The following EFCAB13 variants were observed in gnomAD, a reference collection of about 807,000 sequenced individuals.
The protein encoded by EFCAB13 is EF-hand calcium-binding domain-containing protein 13.
EFCAB13 carries 91 observed loss-of-function variants against 110.2 expected under a neutral mutation model. The ratio of observed to expected loss-of-function variants is 0.83; its 90% confidence interval spans 0.70 to 0.98. EFCAB13 has a LOEUF of 0.98. Ranked by LOEUF, EFCAB13 falls within the 50% of genes least tolerant of loss-of-function variation. The pLI is 0.00. For missense variants in EFCAB13, 968 were observed against 1,119.4 expected (o/e 0.86, Z 1.93); for synonymous variants, 323 against 369.9 (o/e 0.87, Z 1.45).
chr17:47,328,501 G>A (rs2065300857), intron 4 of EFCAB13, 118 bp downstream of exon 4: 10 of 784,424 alleles, frequency 1.3e-5, no homozygotes, highest in Admixed American at 5.8e-5. Context: ...TAAGGAACCT[G>A]GCCAAGTAAC....
At chr17:47,361,000 G>A (rs900232170) in intron 9 of EFCAB13, among the ~76,000 whole-genome samples, 3 of 152,076 alleles carry the variant, frequency 2.0e-5, no homozygotes, top group Non-Finnish European at 4.4e-5. Flanking sequence ...GTGATTTAGT[G>A]TTTAATTTAT....
At chr17:47,405,398 A>G (rs960386018) in intron 20 of EFCAB13, among the ~76,000 whole-genome samples, 3 of 152,100 alleles carry the variant, frequency 2.0e-5, no homozygotes, top group African/African-American at 7.2e-5. Context: ...TACCCTCCTA[A>G]AGATTTGTGG....
At chr17:47,325,923 A>ATATATATAT (rs2065280385) in intron 2 of EFCAB13, among the ~76,000 whole-genome samples, 8 of 102,552 alleles carry the variant, frequency 7.8e-5, no homozygotes, top group Admixed American at 2.1e-4. Context: ...ATATAAACAA[A>ATATATATAT]ATATATATAT....
At chr17:47,418,269 A>G (rs942102475) in intron 23 of EFCAB13, among the ~76,000 whole-genome samples, 1 of 152,116 alleles carries the variant, frequency 6.6e-6, no homozygotes, top group African/African-American at 2.4e-5. Context: ...CCCTTCTTAA[A>G]TCCTGGTGCT....
chr17:47,362,252 T>C (rs2143320897), intron 10 of EFCAB13, among the ~76,000 whole-genome samples: 1 of 152,270 alleles, frequency 6.6e-6, no homozygotes, highest in Middle Eastern at 3.4e-3. Context: ...TAATCCTCGC[T>C]CTACAATCAT....
rs147866703 is a variant in EFCAB13, at chr17:47,440,585, G to T, written c.2793G>T (p.Ser931=). The change falls in exon 25 of 25, where the codon TCG becomes TCT. Residue 931 remains serine, a synonymous_variant. Transcript: ENST00000331493. Reference sequence around the variant, plus strand: ...ACATGTTAAAAACAATACAGGATTCGATAGTTAAAGCACAGGTAAGTAAGA... The same window carrying T: ...ACATGTTAAAAACAATACAGGATTCTATAGTTAAAGCACAGGTAAGTAAGA... ...VVYMLKTIQD[S]IVKAQVSKKQ... is the part of the protein sequence containing the mutation. 1 of 1,613,096 alleles carries T rather than the reference G, an allele frequency of 6.2e-7. No individual in the cohort carries two copies. Among genetic ancestry groups the T allele is most frequent in the Admixed American group, 1.7e-5 (1 of 59,918 alleles).
intron 9 of EFCAB13, among the ~76,000 whole-genome samples, chr17:47,350,020 C>T (rs368273930): frequency 1.3e-4 from 20 of 151,886 alleles, no homozygotes; most frequent in East Asian, 5.8e-4. Flanking sequence ...ATGATCCACC[C>T]GCCTCGGCCT....
At chr17:47,439,112 A>G (rs1648365135) in intron 24 of EFCAB13, among the ~76,000 whole-genome samples, 1 of 151,600 alleles carries the variant, frequency 6.6e-6, no homozygotes, top group African/African-American at 2.4e-5. Flanking sequence ...TCTGTATTAT[A>G]AAGATATTTC....
chr17:47,384,721 G>A (rs1274533834), intron 14 of EFCAB13, among the ~76,000 whole-genome samples: 1 of 151,718 alleles, frequency 6.6e-6, no homozygotes, highest in Non-Finnish European at 1.5e-5. Flanking sequence ...CTGTTAGTCT[G>A]ATGGGCTTCC....
At chr17:47,325,693 G>A (rs1284135946) in intron 2 of EFCAB13, among the ~76,000 whole-genome samples, 1 of 151,430 alleles carries the variant, frequency 6.6e-6, no homozygotes, top group Admixed American at 6.6e-5. Context: ...TTCAGTTCTT[G>A]CAGGTCTGTA....
chr17:47,429,205 T>C (rs1050060276), intron 23 of EFCAB13, among the ~76,000 whole-genome samples: 5 of 152,212 alleles, frequency 3.3e-5, no homozygotes, highest in Non-Finnish European at 7.4e-5. Context: ...AATATTAATA[T>C]CCAGTGAATT....
At chr17:47,327,912 C>T (rs2065296427) in intron 3 of EFCAB13, 1 of 215,538 alleles carries the variant, frequency 4.6e-6, no homozygotes, top group East Asian at 9.9e-5. Flanking sequence ...AAGTCTTTAT[C>T]ATGATATTTA....
chr17:47,371,642 C>T (rs1456230530), intron 11 of EFCAB13, among the ~76,000 whole-genome samples: 1 of 152,080 alleles, frequency 6.6e-6, no homozygotes, highest in Non-Finnish European at 1.5e-5. Context: ...GAGACAGAGT[C>T]ACGCTCTGTC....
At chr17:47,375,323 C>T (rs1293185863) in intron 12 of EFCAB13, among the ~76,000 whole-genome samples, 1 of 152,174 alleles carries the variant, frequency 6.6e-6, no homozygotes, top group Non-Finnish European at 1.5e-5. Context: ...CAGAATCTCA[C>T]TCTGTCAACC....
chr17:47,378,145 T>C (rs2065626582), intron 13 of EFCAB13, among the ~76,000 whole-genome samples: 1 of 152,196 alleles, frequency 6.6e-6, no homozygotes, highest in African/African-American at 2.4e-5. Flanking sequence ...TTCATCACTA[T>C]CCCTATCTGT....
intron 12 of EFCAB13, among the ~76,000 whole-genome samples, chr17:47,376,181 C>T (rs1046343089): frequency 3.3e-5 from 5 of 152,136 alleles, no homozygotes; most frequent in African/African-American, 1.2e-4. Context: ...TACATTAGTG[C>T]ATAATTCAAA....
chr17:47,368,760 T>C (rs1165727871), intron 10 of EFCAB13, among the ~76,000 whole-genome samples: 1 of 152,192 alleles, frequency 6.6e-6, no homozygotes, highest in East Asian at 1.9e-4. Flanking sequence ...TAGAAAAATC[T>C]TCTAGTTCAC....
At chr17:47,397,229 G>A (rs1176850391) in intron 17 of EFCAB13, among the ~76,000 whole-genome samples, 1 of 152,196 alleles carries the variant, frequency 6.6e-6, no homozygotes, top group Non-Finnish European at 1.5e-5. Context: ...GGCCGGGCTG[G>A]TCTCCAGCTC....
chr17:47,410,594 G>A (rs930905969), intron 21 of EFCAB13, among the ~76,000 whole-genome samples: 22 of 152,164 alleles, frequency 1.4e-4, no homozygotes, highest in African/African-American at 5.3e-4. Flanking sequence ...AATCAGATGG[G>A]TGAGACTCAA....
Sources: gnomAD v4.1 joint callset for allele counts (sites outside exome capture counted in the v4.1 genomes callset) on GRCh38, gnomAD v4.1.1 for gene constraint, MANE v1.5 for transcripts, NCBI Gene and HGNC (gene_info 2026-07-23, HGNC 2026-07-21) for gene names.